ATP1A2: variants seen among roughly 807,000 people sequenced by gnomAD.
ATP1A2 encodes the protein sodium/potassium-transporting ATPase subunit alpha-2.
In ATP1A2, 56 loss-of-function variants were observed where a neutral mutation model predicts 113.1. The observed-to-expected ratio is 0.49, with a 90% CI of 0.40 to 0.62. ATP1A2 has a LOEUF of 0.62. ATP1A2 is among the 20% of genes least tolerant of loss of function. The probability of loss-of-function intolerance (pLI) is 0.00; values close to 1 mark genes in which losing one functional copy is unlikely to be tolerated. For missense variants in ATP1A2, 712 were observed against 1,357.8 expected (o/e 0.52, Z 7.47); for synonymous variants, 490 against 526.8 (o/e 0.93, Z 0.96).
intron 6 of ATP1A2, 101 bp from the exon 7 acceptor site, chr1:160,125,035 G>C: frequency 5.5e-6 from 5 of 910,388 alleles, no homozygotes; most frequent in South Asian, 4.0e-5. Context: ...TTTGTTCCTC[G>C]TGTCATGAAG....
chr1:160,134,449 A>G (rs1259211061), intron 13 of ATP1A2, 35 bp from the exon 14 acceptor site: 1 of 1,613,962 alleles, frequency 6.2e-7, no homozygotes, highest in Non-Finnish European at 8.5e-7. Flanking sequence ...AACCCTTAAT[A>G]CTACTTTCCT....
Position 160,134,499 on chromosome 1 carries a change from G to A in ATP1A2, c.1843G>A (p.Gly615Arg), listed in dbSNP as rs770053423. ...TTCCCACTAGGTGATCATGGTAACC[G>A]GGGATCACCCTATCACAGCCAAGGC... ...SAGIKVIMVTGDHPITAKAIA... is the reference protein window; with the variant it reads ...SAGIKVIMVTRDHPITAKAIA... The change falls in exon 14 of 23, where the codon GGG becomes AGG. Residue 615 changes from glycine (G) to arginine (R), a missense_variant. Physicochemically the swap from Gly to Arg is moderately radical, Grantham distance 125. Transcript: ENST00000361216. The A allele has an allele frequency of 6.2e-7, 1 of 1,614,148 alleles. No individual in the cohort carries two copies. The highest frequency in any genetic ancestry group is 8.5e-7 in the Non-Finnish European group (1 of 1,180,032).
chr1:160,138,254 G>A (rs1652017525), intron 20 of ATP1A2, among the ~76,000 whole-genome samples: 1 of 152,244 alleles, frequency 6.6e-6, no homozygotes, highest in African/African-American at 2.4e-5. Context: ...TGAAAATAAA[G>A]CACTCACCTA....
Position 160,127,407 on chromosome 1 carries a change from T to C in ATP1A2, c.749-145T>C, listed in dbSNP as rs564362244. ...TCTATCCAGGGAAAGGAAGGCCAAGTGGGGACAACCTACTGAATGTGGCCT... is the reference window on the plus strand; with the variant it reads ...TCTATCCAGGGAAAGGAAGGCCAAGCGGGGACAACCTACTGAATGTGGCCT... On this transcript the variant is annotated intron_variant, in intron 7 of 22. Coordinates refer to ENST00000361216, the MANE Select transcript of ATP1A2 (RefSeq NM_000702.4). The C allele has an allele frequency of 6.5e-4, 721 of 1,104,510 alleles. 3 individuals carry two copies. The highest frequency in any genetic ancestry group is 8.7e-4 in the Middle Eastern group (3 of 3,452). 68.4% of individuals were successfully genotyped at this position (1,104,510 alleles called of 1,614,324 possible). A position where few individuals can be genotyped will look rare whatever the true frequency, so the allele number is the denominator to read the frequency against.
In ATP1A2 at chr1:160,125,360, G is replaced by A. The variant is rs1570986229; in HGVS notation, c.748+107G>A. The A allele has an allele frequency of 4.9e-6, 5 of 1,027,770 alleles. No homozygotes were observed. In the East Asian group the frequency reaches 1.2e-4, roughly 25 times the overall value. The allele number at this position is 1,027,770 out of a possible 1,614,324, so 63.7% of individuals were successfully genotyped here. On this transcript the variant is annotated intron_variant, in intron 7 of 22. Coordinates refer to ENST00000361216, the MANE Select transcript of ATP1A2 (RefSeq NM_000702.4). ...CCTGGCAAAAGCTCTGCCATTGGTG[G>A]GGCAATTGAGGGGTCAGGGGGCCCT...
intron 22 of ATP1A2, chr1:160,140,648 A>G (rs935671637): frequency 2.4e-5 from 4 of 165,632 alleles, no homozygotes; most frequent in Admixed American, 2.2e-4. Context: ...TCTGCACAGC[A>G]AGAATGGACA....
At position 160,141,697 on chromosome 1, in the gene ATP1A2, G is replaced by A; in HGVS notation, c.*375G>A. 3.1e-6 allele frequency: 1 copy of A among 322,762 alleles called. No homozygotes were observed. Among genetic ancestry groups the A allele is most frequent in the South Asian group, 3.1e-5 (1 of 32,212 alleles). 20.0% of individuals were successfully genotyped at this position (322,762 alleles called of 1,614,324 possible). On this transcript the variant is annotated 3_prime_UTR_variant, in exon 23 of 23. Transcript: ENST00000361216. ...CAAAAGCAGGAACCCATCTAAACCA[G>A]AAGGAAGCCCTCTCAGATCACCCCA...
At chr1:160,123,153 A>T in intron 3 of ATP1A2, 60 bp from the exon 4 acceptor site, 1 of 1,587,474 alleles carries the variant, frequency 6.3e-7, no homozygotes, top group South Asian at 1.1e-5. Context: ...AGGGATGGGC[A>T]TGGTGACTGG....
intron 17 of ATP1A2, 117 bp from the exon 18 acceptor site, chr1:160,136,130 T>C (rs1316476556): frequency 1.3e-6 from 2 of 1,599,196 alleles, no homozygotes; most frequent in Non-Finnish European, 1.7e-6. Context: ...GACAATGGGG[T>C]CTGAATACAC....
At chr1:160,134,364 G>C in intron 13 of ATP1A2, 120 bp from the exon 14 acceptor site, 2 of 1,437,236 alleles carry the variant, frequency 1.4e-6, no homozygotes, top group Non-Finnish European at 9.6e-7. Context: ...CCCTTATTTC[G>C]GTTGGGATCT....
At position 160,131,723 on chromosome 1, in the gene ATP1A2, T is replaced by C. The variant is rs753700815; in HGVS notation, c.1827+1126T>C. Among the ~76,000 whole-genome samples, 298 of 151,042 alleles carry C rather than the reference T, an allele frequency of 2.0e-3. 1 individual carries two copies. Among genetic ancestry groups the C allele is most frequent in the Non-Finnish European group, 3.3e-3 (223 of 67,786 alleles). On this transcript the variant is annotated intron_variant, in intron 13 of 22. Coordinates refer to ENST00000361216, the MANE Select transcript of ATP1A2 (RefSeq NM_000702.4). ...GCAGGTGCCTGTAATCCCAGCTCCT[T>C]GGGAGGCTGAGGCAGGAGAATCACT...
At chr1:160,136,410 G>A in intron 18 of ATP1A2, 40 bp downstream of exon 18, 1 of 1,613,274 alleles carries the variant, frequency 6.2e-7, no homozygotes, top group Non-Finnish European at 8.5e-7. Context: ...ACCCCAACAG[G>A]GTTCTTTTCC....
At chr1:160,121,636 C>A (rs1266090068) in intron 3 of ATP1A2, among the ~76,000 whole-genome samples, 1 of 152,218 alleles carries the variant, frequency 6.6e-6, no homozygotes, top group African/African-American at 2.4e-5. Context: ...TTTGCTGGGC[C>A]CCTGCTACAT....
chr1:160,130,094 C>T lies in ATP1A2; in HGVS notation c.1462-8C>T. The T allele has an allele frequency of 6.2e-7, 1 of 1,614,202 alleles. No homozygotes were observed. Among genetic ancestry groups the T allele is most frequent in the Non-Finnish European group, 8.5e-7 (1 of 1,180,044 alleles). ...GGCCCTCTCTGTAACTACCTGTTGT[C>T]TCTCCAGCTGTCTATCCACGAGCGA... On this transcript the variant is annotated splice_region_variant and splice_polypyrimidine_tract_variant and intron_variant, in intron 11 of 22. Coordinates refer to ENST00000361216, the MANE Select transcript of ATP1A2 (RefSeq NM_000702.4).
At chr1:160,116,730 A>T (rs1651198229) in intron 1 of ATP1A2, among the ~76,000 whole-genome samples, 1 of 152,136 alleles carries the variant, frequency 6.6e-6, no homozygotes, top group Non-Finnish European at 1.5e-5. Context: ...ATACTGGCAA[A>T]AGAGGACACA....
In ATP1A2 at chr1:160,136,324, C is replaced by G. The variant is rs752471668; in HGVS notation, c.2517C>G (p.Asp839Glu). The G allele has an allele frequency of 1.2e-6, 2 of 1,614,202 alleles. No individual in the cohort carries two copies. The highest frequency in any genetic ancestry group is 1.7e-6 in the Non-Finnish European group (2 of 1,180,030). Residue 839 changes from aspartate (D) to glutamate (E), a missense_variant, in exon 18 of 23, where the codon GAC (aspartate) becomes GAG (glutamate). Physicochemically the swap from Asp to Glu is conservative, Grantham distance 45 (BLOSUM62 2). Around this residue, in one of 6 missense-constraint regions of ATP1A2, gnomAD observed 188 missense variants for 438.9 expected, o/e 0.43. Transcript: ENST00000361216. ...GGCAGCCACGAAACTCCCAGACGGA[C>G]AAGCTGGTGAATGAGAGGCTCATCA... is the stretch of plus-strand genomic sequence containing the variant. ...MKRQPRNSQT[D>E]KLVNERLISM...
At chr1:160,139,547 C>T (rs968515935) in intron 20 of ATP1A2, 93 bp from the exon 21 acceptor site, 1 of 1,052,074 alleles carries the variant, frequency 9.5e-7, no homozygotes, top group African/African-American at 1.6e-5. Flanking sequence ...GTTTAGAATT[C>T]TCTCTCCTCT....
chr1:160,140,845 T>C (rs1652123264), intron 22 of ATP1A2: 1 of 170,052 alleles, frequency 5.9e-6, no homozygotes, highest in Non-Finnish European at 1.2e-5. Flanking sequence ...CCTTTCACCT[T>C]CTTTTTTTTT....
chr1:160,135,212 A>C lies in ATP1A2; in HGVS notation c.2032A>C (p.Ile678Leu). The C allele has an allele frequency of 1.2e-6, 2 of 1,614,190 alleles. No homozygotes were observed. Among genetic ancestry groups the C allele is most frequent in the Non-Finnish European group, 1.7e-6 (2 of 1,180,038 alleles). The change falls in exon 15 of 23, where the codon ATC becomes CTC. Residue 678 changes from isoleucine to leucine, a missense_variant. Physicochemically the swap from Ile to Leu is conservative, Grantham distance 5 (BLOSUM62 2). Around this residue, in one of 6 missense-constraint regions of ATP1A2, gnomAD observed 263 missense variants for 380.6 expected, o/e 0.69. Coordinates refer to ENST00000361216, the MANE Select transcript of ATP1A2 (RefSeq NM_000702.4). This position sits in a 1 kb window ranked among gnomAD's most constrained non-coding sequence, Gnocchi z 6.3. ...CATGACATCGGAGCAGCTCGATGAG[A>C]TCCTCAAGAACCACACAGAGATCGT... The part of the protein sequence containing the change: ...KDMTSEQLDE[I>L]LKNHTEIVFA...
Sources: gnomAD v4.1 joint callset for allele counts (sites outside exome capture counted in the v4.1 genomes callset) on GRCh38, gnomAD v4.1.1 for gene constraint, gnomAD v4.1.1 regional missense constraint, Gnocchi (gnomAD v3.1) non-coding constraint, MANE v1.5 for transcripts, NCBI Gene and HGNC (gene_info 2026-07-23, HGNC 2026-07-21) for gene names.